The following ADCY2 variants were observed in gnomAD, a reference collection of about 807,000 sequenced individuals.
ADCY2 encodes adenylate cyclase type 2.
ADCY2 carries 31 observed loss-of-function variants against 125.2 expected under a neutral mutation model. The ratio of observed to expected loss-of-function variants is 0.25; its 90% CI spans 0.19 to 0.33. ADCY2 has a LOEUF of 0.33. ADCY2 is among the 10% of genes least tolerant of loss of function. ADCY2 has a pLI of 1.00. For synonymous variants in ADCY2, 512 were observed against 548.4 expected, an observed-to-expected ratio of 0.93 and a Z score of 0.93; for missense variants, 904 against 1,418.2, an observed-to-expected ratio of 0.64 and a Z score of 5.82.
At chr5:7,612,417 C>A (rs763446502) in intron 3 of ADCY2, among the ~76,000 whole-genome samples, 1 of 152,196 alleles carries the variant, frequency 6.6e-6, no homozygotes, top group Non-Finnish European at 1.5e-5. Flanking sequence ...GAGGCGGGGC[C>A]TAGCACAAAC....
intron 2 of ADCY2, among the ~76,000 whole-genome samples, chr5:7,497,299 G>A (rs946083315): frequency 6.6e-6 from 1 of 152,134 alleles, no homozygotes; most frequent in Non-Finnish European, 1.5e-5. Context: ...TTGAATTTTT[G>A]TGATATTAAA....
chr5:7,802,013 A>G lies in ADCY2; in HGVS notation c.2629-205A>G. On this transcript the variant is annotated intron_variant, in intron 20 of 24. Coordinates refer to ENST00000338316, the MANE Select transcript of ADCY2 (RefSeq NM_020546.3). The surrounding 1 kb of genome is among the most constrained non-coding windows in gnomAD (Gnocchi z 4.6). ...GGCAAGGCACCTCTTCTTAACTGGT[A>G]GTGGCCTGAATCCAGCTCATTAGAA... The G allele has an allele frequency of 1.9e-6, 1 of 536,206 alleles. No individual in the cohort carries two copies. Among genetic ancestry groups the G allele is most frequent in the Admixed American group, 3.5e-5 (1 of 28,324 alleles). The allele number at this position is 536,206 out of a possible 1,614,324, so 33.2% of individuals were successfully genotyped here. A position where few individuals can be genotyped will look rare whatever the true frequency, so the allele number is the denominator to read the frequency against.
chr5:7,686,627 T>G (rs1740529894), intron 4 of ADCY2, among the ~76,000 whole-genome samples: 1 of 152,174 alleles, frequency 6.6e-6, no homozygotes, highest in Non-Finnish European at 1.5e-5. Flanking sequence ...CTTAAGGAAT[T>G]TCTCCAACAA....
intron 2 of ADCY2, among the ~76,000 whole-genome samples, chr5:7,460,212 AAAC>A (rs920888865): frequency 7.2e-5 from 11 of 152,162 alleles, no homozygotes; most frequent in Admixed American, 6.5e-4. Context: ...TTTAAAAATT[AAAC>A]AACATTTTTC....
intron 3 of ADCY2, among the ~76,000 whole-genome samples, chr5:7,589,515 G>GAAAGAAAGA (rs1561112613): frequency 1.8e-5 from 1 of 54,154 alleles, no homozygotes; most frequent in Non-Finnish European, 4.6e-5. Flanking sequence ...AGAAAGAAAA[G>GAAAGAAAGA]AAAAGAAAGA....
intron 4 of ADCY2, among the ~76,000 whole-genome samples, chr5:7,670,972 A>G (rs923716500): frequency 6.6e-6 from 1 of 152,308 alleles, no homozygotes; most frequent in Admixed American, 6.5e-5. Context: ...CCATGTGATA[A>G]CTTTTCTAAG....
At chr5:7,400,430 G>A (rs933326726) in intron 1 of ADCY2, among the ~76,000 whole-genome samples, 2 of 152,194 alleles carry the variant, frequency 1.3e-5, no homozygotes, top group Non-Finnish European at 2.9e-5. Flanking sequence ...TTTTCGAAGG[G>A]CAGATTTATC....
chr5:7,749,282 T>A (rs1579388064), intron 15 of ADCY2, among the ~76,000 whole-genome samples: 1 of 152,192 alleles, frequency 6.6e-6, no homozygotes, highest in South Asian at 2.1e-4. Flanking sequence ...ATAATTTTTT[T>A]AAGTTAATTT....
Position 7,820,596 on chromosome 5 carries a change from G to A in ADCY2, c.3030G>A (p.Val1010=). 6.2e-7 allele frequency: 1 copy of A among 1,614,052 alleles called. No individual in the cohort carries two copies. The highest frequency in any genetic ancestry group is 1.1e-5 in the South Asian group (1 of 91,070). The change falls in exon 24 of 25, where the codon GTG becomes GTA. Residue 1010 remains valine (V), a synonymous_variant. Transcript: ENST00000338316. ...ACCATGGACCTGTGATAGCTGGTGTGATTGGAGCTCAGAAGCCACAATATG... is the reference window on the plus strand; with the variant it reads ...ACCATGGACCTGTGATAGCTGGTGTAATTGGAGCTCAGAAGCCACAATATG... The part of the protein sequence containing the change: ...GINHGPVIAG[V]IGAQKPQYDI...
intron 4 of ADCY2, among the ~76,000 whole-genome samples, chr5:7,629,580 A>G (rs896752185): frequency 2.0e-5 from 3 of 152,240 alleles, no homozygotes; most frequent in African/African-American, 7.2e-5. Context: ...TCTCATTATG[A>G]ACAATAAAAA....
At chr5:7,548,868 A>G (rs1323516155) in intron 3 of ADCY2, among the ~76,000 whole-genome samples, 8 of 152,104 alleles carry the variant, frequency 5.3e-5, no homozygotes, top group Non-Finnish European at 5.9e-5. Flanking sequence ...CAACCATAAT[A>G]TTTACTTGTC....
intron 10 of ADCY2, among the ~76,000 whole-genome samples, chr5:7,711,752 T>C (rs1197760035): frequency 6.6e-6 from 1 of 152,212 alleles, no homozygotes; most frequent in Non-Finnish European, 1.5e-5. Context: ...AAGGACCTCT[T>C]GAACGAACTC....
intron 4 of ADCY2, among the ~76,000 whole-genome samples, chr5:7,629,302 C>T (rs1486202948): frequency 3.3e-5 from 5 of 152,092 alleles, no homozygotes; most frequent in Admixed American, 6.6e-5. Context: ...CCCAGGAAGC[C>T]GTCCCTCTTC....
chr5:7,556,745 G>T (rs1027187866), intron 3 of ADCY2, among the ~76,000 whole-genome samples: 1 of 152,112 alleles, frequency 6.6e-6, no homozygotes, highest in African/African-American at 2.4e-5. Context: ...GCAGCAGCAT[G>T]AAATTCTCAT....
At chr5:7,731,509 C>G (rs1232934771) in intron 14 of ADCY2, among the ~76,000 whole-genome samples, 1 of 152,118 alleles carries the variant, frequency 6.6e-6, no homozygotes, top group African/African-American at 2.4e-5. Flanking sequence ...CCTGCCTTGG[C>G]CTCCCAAAGT....
chr5:7,634,931 G>A lies in ADCY2; in HGVS notation c.720+8615G>A, dbSNP rs1738442486. 2.0e-5 allele frequency among the ~76,000 whole-genome samples: 3 copies of A among 152,186 alleles called. No homozygotes were observed. In the South Asian group the frequency reaches 6.2e-4, roughly 32 times the overall value. On this transcript the variant is annotated intron_variant, in intron 4 of 24. Coordinates refer to ENST00000338316, the MANE Select transcript of ADCY2 (RefSeq NM_020546.3). ...CCTATTGGAGGGGCCAGGCAGGGAG[G>A]CTTCTCTGGGGATGTGATATCTAGG... is the stretch of plus-strand genomic sequence containing the variant.
At chr5:7,469,405 T>C (rs1316482977) in intron 2 of ADCY2, among the ~76,000 whole-genome samples, 1 of 151,984 alleles carries the variant, frequency 6.6e-6, no homozygotes, top group Non-Finnish European at 1.5e-5. Flanking sequence ...CATGAATGGC[T>C]CTATCCTATT....
At chr5:7,545,882 C>T (rs1179517687) in intron 3 of ADCY2, among the ~76,000 whole-genome samples, 1 of 152,162 alleles carries the variant, frequency 6.6e-6, no homozygotes, top group African/African-American at 2.4e-5. Context: ...CTGTCAGAGC[C>T]ACCACAGCTT....
At position 7,414,592 on chromosome 5, in the gene ADCY2, C is replaced by T. The variant is rs146698596; in HGVS notation, c.230C>T (p.Ala77Val). 1.9e-6 allele frequency: 3 copies of T among 1,611,194 alleles called. No homozygotes were observed. Among genetic ancestry groups the T allele is most frequent in the African/African-American group, 2.7e-5 (2 of 74,818 alleles). Reference protein sequence around the residue: ...ALGLEVEDHVAFLITVPTALA... With the variant: ...ALGLEVEDHVVFLITVPTALA... ...CCTCAGGAAGTTGAAGACCATGTGG[C>T]GTTTCTAATAACAGTTCCAACTGCC... Residue 77 changes from alanine (A) to valine (V), a missense_variant, in exon 2 of 25, where the codon GCG becomes GTG. Ala to Val is a moderately conservative substitution (Grantham distance 64). Transcript: ENST00000338316.
Sources: allele counts gnomAD v4.1 joint callset (sites outside exome capture counted in the v4.1 genomes callset), GRCh38; gene constraint gnomAD v4.1.1; non-coding constraint Gnocchi (gnomAD v3.1); transcripts MANE v1.5; gene names NCBI Gene and HGNC (gene_info 2026-07-23, HGNC 2026-07-21).